CCDC28B: variants seen among roughly 807,000 people sequenced by gnomAD.
The protein encoded by CCDC28B is coiled-coil domain-containing protein 28B.
Under a neutral mutation model 18.7 loss-of-function variants are expected in CCDC28B, and 17 were observed. That is an observed-to-expected ratio of 0.91 (90% confidence interval 0.62 to 1.36). CCDC28B has a LOEUF of 1.36. CCDC28B is among the 40% of genes most tolerant of loss of function. The pLI is 0.00. For missense variants in CCDC28B, 213 were observed against 251.7 expected (o/e 0.85, Z 1.04); for synonymous variants, 116 against 105.1 (o/e 1.10, Z -0.64).
At position 32,203,693 on chromosome 1, in the gene CCDC28B, G is replaced by A. The variant is rs551007390; in HGVS notation, c.165-186G>A. Among the ~76,000 whole-genome samples the A allele has an allele frequency of 1.4e-4, 22 of 152,226 alleles. No homozygotes were observed. In the South Asian group the frequency reaches 3.1e-3, roughly 22 times the overall value. ...AAAGACTTCTTTTTGACCTCTTCAC[G>A]CCTCCTCACCCCTTCCCAGTGCCCA... is the stretch of plus-strand genomic sequence containing the variant. On this transcript the variant is annotated intron_variant, in intron 2 of 5. Transcript: ENST00000373602.
At position 32,205,161 on chromosome 1, in the gene CCDC28B, G is replaced by A. The variant is rs1177839117; in HGVS notation, c.549-33G>A. 1.2e-6 allele frequency: 2 copies of A among 1,612,336 alleles called. No individual in the cohort carries two copies. The highest frequency in any genetic ancestry group is 1.7e-5 in the Admixed American group (1 of 59,830). Reference sequence around the variant, plus strand: ...GGAGACCGGGGTGGGAGGAAGGACTGGTCCAAAGCGCCACGATCCTTGACG... The same window carrying A: ...GGAGACCGGGGTGGGAGGAAGGACTAGTCCAAAGCGCCACGATCCTTGACG... On this transcript the variant is annotated intron_variant, in intron 5 of 5. Coordinates refer to ENST00000373602, the MANE Select transcript of CCDC28B (RefSeq NM_024296.5). This position sits in a 1 kb window ranked among gnomAD's most constrained non-coding sequence, Gnocchi z 5.6.
At chr1:32,199,020 A>G (rs141888815), upstream of CCDC28B, among the ~76,000 whole-genome samples, 1,326 of 152,216 alleles carry the variant, frequency 8.7e-3, 26 homozygotes, top group African/African-American at 0.03. Context: ...GGGGCCTCTA[A>G]TTGTATGCAT....
upstream of CCDC28B, among the ~76,000 whole-genome samples, chr1:32,199,790 G>A (rs1320950780): frequency 6.6e-6 from 1 of 152,212 alleles, no homozygotes; most frequent in East Asian, 1.9e-4. Flanking sequence ...AGCCTGCTGA[G>A]CCGCCTGGCC....
At chr1:32,204,148 G>C (rs1275993719) in intron 3 of CCDC28B, 38 bp from the exon 4 acceptor site, 1 of 1,611,988 alleles carries the variant, frequency 6.2e-7, no homozygotes, top group Non-Finnish European at 8.5e-7. Context: ...AGGGTTCCAG[G>C]ACTCTTTCCC....
intron 2 of CCDC28B, chr1:32,202,332 G>A: frequency 1.5e-6 from 1 of 683,346 alleles, no homozygotes. Flanking sequence ...CTCAGAGGAG[G>A]GAGTGAGCAA....
At chr1:32,200,435 G>A (rs1034949878), upstream of CCDC28B, 4 of 152,112 alleles carry the variant, frequency 2.6e-5, no homozygotes, top group Admixed American at 2.0e-4. Context: ...TGAAACTGCC[G>A]GGAAAGGGAA....
intron 1 of CCDC28B, among the ~76,000 whole-genome samples, chr1:32,200,969 C>T (rs1643134160): frequency 6.6e-6 from 1 of 152,198 alleles, no homozygotes; most frequent in African/African-American, 2.4e-5. Context: ...TCCCCACACC[C>T]GCAGACCCCG....
At position 32,204,358 on chromosome 1, in the gene CCDC28B, C is replaced by A. The variant is rs756786293; in HGVS notation, c.504C>A (p.Asn168Lys). 6.3e-7 allele frequency: 1 copy of A among 1,588,354 alleles called. No homozygotes were observed. The highest frequency in any genetic ancestry group is 8.6e-7 in the Non-Finnish European group (1 of 1,166,960). Residue 168 changes from asparagine to lysine, a missense_variant, in exon 4 of 6, where the codon AAC becomes AAA. Asn to Lys is a moderately conservative substitution (Grantham distance 94). Transcript: ENST00000373602. ...EEQKKTMADR[N>K]LDQLLSNLED... ...AGAAGAAGACAATGGCTGACCGTAA[C>A]CTGGACCAGCTGCTTAGCAATGTGG...
rs1643246052 is a variant in CCDC28B at position 32,204,351 on chromosome 1, A to G, written c.497A>G (p.Asp166Gly). 6.3e-7 allele frequency: 1 copy of G among 1,594,210 alleles called. No individual in the cohort carries two copies. Among genetic ancestry groups the G allele is most frequent in the African/African-American group, 1.3e-5 (1 of 74,226 alleles). Residue 166 changes from aspartate (D) to glycine (G), a missense_variant, in exon 4 of 6, where the codon GAC becomes GGC. By Grantham distance (94) the Asp-to-Gly change is moderately conservative (BLOSUM62 -1). Coordinates refer to ENST00000373602, the MANE Select transcript of CCDC28B (RefSeq NM_024296.5). Reference sequence around the variant, plus strand: ...GAGGAGCAGAAGAAGACAATGGCTGACCGTAACCTGGACCAGCTGCTTAGC... The same window carrying G: ...GAGGAGCAGAAGAAGACAATGGCTGGCCGTAACCTGGACCAGCTGCTTAGC... Reference protein sequence around the residue: ...LPEEQKKTMADRNLDQLLSNL... With the variant: ...LPEEQKKTMAGRNLDQLLSNL...
chr1:32,198,701 A>G (rs1643079435), upstream of CCDC28B, among the ~76,000 whole-genome samples: 3 of 152,184 alleles, frequency 2.0e-5, no homozygotes, highest in African/African-American at 7.2e-5. Context: ...GGCAGGTAGA[A>G]GATGAACGTC....
At chr1:32,200,928 G>A (rs993154212) in intron 1 of CCDC28B, among the ~76,000 whole-genome samples, 1 of 152,174 alleles carries the variant, frequency 6.6e-6, no homozygotes, top group African/African-American at 2.4e-5. Context: ...GCTGCTGCAC[G>A]GAGAGGCAGA....
In CCDC28B at chr1:32,203,990, G is replaced by T. The variant is rs777850558; in HGVS notation, c.276G>T (p.Glu92Asp). ...LTEVTDVYEM[E>D]GGLLNLLNDF... is the part of the protein sequence containing the mutation. The stretch of plus-strand genomic sequence containing the variant: ...AGGTGACTGATGTCTATGAGATGGA[G>T]GGGGGACTCCTGAACCTGCTCAATG... Residue 92 changes from glutamate (E) to aspartate (D), a missense_variant, in exon 3 of 6, where the codon GAG (glutamate) becomes GAT (aspartate). Transcript: ENST00000373602. 6.3e-7 allele frequency: 1 copy of T among 1,576,962 alleles called. No homozygotes were observed. The highest frequency in any genetic ancestry group is 8.6e-7 in the Non-Finnish European group (1 of 1,161,810).
At position 32,202,104 on chromosome 1, in the gene CCDC28B, G is replaced by GT. The variant is rs1643160539; in HGVS notation, c.164+6dup. ...GCAGCGGGCCAAGTTCAAGAGGTGG[G>GT]TACAGAAGGGAAGGAAAGGAGGAGG... is the stretch of plus-strand genomic sequence containing the variant. On this transcript the variant is annotated splice_donor_region_variant and intron_variant, in intron 2 of 5. Transcript: ENST00000373602. 10 of 1,611,926 alleles carry GT rather than the reference G, an allele frequency of 6.2e-6. No individual in the cohort carries two copies. The Admixed American group carries it at 1.7e-4, about 27-fold the overall frequency.
chr1:32,199,506 T>C (rs971290155), upstream of CCDC28B, among the ~76,000 whole-genome samples: 2 of 152,200 alleles, frequency 1.3e-5, no homozygotes, highest in South Asian at 2.1e-4. Flanking sequence ...TACCACTGTC[T>C]ACTCTAGCAG....
At chr1:32,200,500 G>A (rs1257280483), upstream of CCDC28B, 4 of 152,246 alleles carry the variant, frequency 2.6e-5, no homozygotes, top group African/African-American at 4.8e-5. Flanking sequence ...GTTCAGGCGG[G>A]GAGGTGAGGT....
In CCDC28B at chr1:32,204,284, G is replaced by T. The variant is rs770597578; in HGVS notation, c.430G>T (p.Asp144Tyr). 5.0e-6 allele frequency: 8 copies of T among 1,613,840 alleles called. No homozygotes were observed. Among genetic ancestry groups the T allele is most frequent in the Admixed American group, 3.3e-5 (2 of 59,974 alleles). Residue 144 changes from aspartate (D) to tyrosine (Y), a missense_variant, in exon 4 of 6, where the codon GAC (aspartate) becomes TAC (tyrosine). Transcript: ENST00000373602. ...FSLDVCGEEE[D>Y]DEEEEDGVTE... The stretch of plus-strand genomic sequence containing the variant: ...CCTGGATGTGTGTGGGGAGGAGGAG[G>T]ACGATGAAGAGGAAGAGGATGGGGT...
chr1:32,196,844 T>G (rs967946272), upstream of CCDC28B: 3 of 152,260 alleles, frequency 2.0e-5, no homozygotes, highest in African/African-American at 7.2e-5. Context: ...CTGAATCATG[T>G]GTGACTGAGA....
intron 2 of CCDC28B, among the ~76,000 whole-genome samples, chr1:32,203,466 A>C (rs908743336): frequency 6.6e-6 from 1 of 152,186 alleles, no homozygotes; most frequent in African/African-American, 2.4e-5. Flanking sequence ...CAAAAAACAA[A>C]AAAAAAGAAG....
At chr1:32,198,242 T>C (rs1282026074), upstream of CCDC28B, 2 of 152,270 alleles carry the variant, frequency 1.3e-5, no homozygotes, top group Non-Finnish European at 2.9e-5. Context: ...GGACTTGATT[T>C]TGATGTATTT....
Sources: allele counts gnomAD v4.1 joint callset (sites outside exome capture counted in the v4.1 genomes callset), GRCh38; gene constraint gnomAD v4.1.1; non-coding constraint Gnocchi (gnomAD v3.1); transcripts MANE v1.5; gene names NCBI Gene and HGNC (gene_info 2026-07-23, HGNC 2026-07-21).